The following SLC36A2 variants were observed in gnomAD, a reference collection of about 807,000 sequenced individuals.
The protein encoded by SLC36A2 is solute carrier family 36 member 2, also known as proton-coupled amino acid transporter 2.
In SLC36A2, 39 loss-of-function variants were observed where a neutral mutation model predicts 42.7. That is an observed-to-expected ratio of 0.91 (90% CI 0.71 to 1.19). The LOEUF (loss-of-function observed/expected upper bound fraction) is 1.19, where lower values mean the gene tolerates loss of function less well. Among genes scored for constraint, SLC36A2 ranks in the 50% most tolerant of loss-of-function variants. The pLI, the probability that SLC36A2 is intolerant of heterozygous loss-of-function variation, is 0.00. For missense variants in SLC36A2, 590 were observed against 613.7 expected (o/e 0.96, Z 0.41); for synonymous variants, 237 against 240.8 (o/e 0.98, Z 0.15).
intron 6 of SLC36A2, among the ~76,000 whole-genome samples, chr5:151,334,729 T>C (rs1286651062): frequency 6.6e-6 from 1 of 151,658 alleles, no homozygotes; most frequent in Non-Finnish European, 1.5e-5. Flanking sequence ...AAAAGAAAAA[T>C]TAGAAAGGAT....
intron 6 of SLC36A2, among the ~76,000 whole-genome samples, chr5:151,334,141 G>C (rs1756079737): frequency 6.6e-6 from 1 of 152,152 alleles, no homozygotes; most frequent in Admixed American, 6.5e-5. Flanking sequence ...GCAACCTTTG[G>C]AATTGTCCAA....
rs76325383 is a variant in SLC36A2, at chr5:151,320,455, T to C, written c.1180+1591A>G. 7.0e-3 allele frequency among the ~76,000 whole-genome samples: 1,071 copies of C among 152,038 alleles called. 11 individuals are homozygous for C. Among genetic ancestry groups the C allele is most frequent in the African/African-American group, 0.024 (1,012 of 41,462 alleles). ...AGATGAATGGATAAAGAAAATGTGG[T>C]TTCTACGTACAGTGGAATACAATTT... On this transcript the variant is annotated intron_variant, in intron 9 of 9. Coordinates refer to ENST00000335244, the MANE Select transcript of SLC36A2 (RefSeq NM_181776.3).
At chr5:151,318,020 A>G (rs1034679782) in intron 9 of SLC36A2, among the ~76,000 whole-genome samples, 18 of 152,332 alleles carry the variant, frequency 1.2e-4, no homozygotes, top group Admixed American at 2.0e-4. Flanking sequence ...AAAATTTGTT[A>G]AACAGTTAGT....
chr5:151,337,719 G>T (rs1049975775), intron 5 of SLC36A2, among the ~76,000 whole-genome samples: 3 of 152,154 alleles, frequency 2.0e-5, no homozygotes, highest in African/African-American at 7.2e-5. Flanking sequence ...ACAGATGATA[G>T]TAGAGAAACA....
chr5:151,318,755 G>C (rs1431920624), intron 9 of SLC36A2, among the ~76,000 whole-genome samples: 1 of 151,718 alleles, frequency 6.6e-6, no homozygotes, highest in African/African-American at 2.4e-5. Context: ...AGAAAATCCG[G>C]GAGGTGTCTT....
intron 2 of SLC36A2, 144 bp downstream of exon 2, chr5:151,344,033 A>G (rs966740137): frequency 1.3e-5 from 10 of 770,164 alleles, no homozygotes; most frequent in Admixed American, 2.0e-5. Flanking sequence ...ACTCAAACCC[A>G]GGCTAGATGT....
At position 151,317,030 on chromosome 5, in the gene SLC36A2, C is replaced by T. The variant is rs1316364831; in HGVS notation, c.1239G>A (p.Val413=). The change falls in exon 10 of 10, where the codon GTG becomes GTA. Residue 413 remains valine, a synonymous_variant. Coordinates refer to ENST00000335244, the MANE Select transcript of SLC36A2 (RefSeq NM_181776.3). The part of the protein sequence containing the change: ...LDLVISLVGS[V]SGTALALIIP... ...TGATGAGGGCCAGGGCGGTGCCACT[C>T]ACGGAGCCCACCAGGGAGATGACCA... 7 of 1,614,112 alleles carry T rather than the reference C, an allele frequency of 4.3e-6. No homozygotes were observed. The highest frequency in any genetic ancestry group is 5.9e-6 in the Non-Finnish European group (7 of 1,180,022).
At position 151,333,226 on chromosome 5, in the gene SLC36A2, C is replaced by T. The variant is rs770816435; in HGVS notation, c.841G>A (p.Val281Met). The T allele has an allele frequency of 3.1e-6, 5 of 1,613,678 alleles. No homozygotes were observed. In the Admixed American group the frequency reaches 5.0e-5, roughly 16 times the overall value. ...TAIFSFESIG[V>M]VLPLENKMKN... ...GGCCACCTCAATTCAAACCTTACCACACCAATGCTTTCAAAAGAAAAAATG... is the reference window on the plus strand; with the variant it reads ...GGCCACCTCAATTCAAACCTTACCATACCAATGCTTTCAAAAGAAAAAATG... The change falls in exon 7 of 10, where the codon GTG becomes ATG. Residue 281 changes from valine to methionine, a missense_variant and splice_region_variant. Coordinates refer to ENST00000335244, the MANE Select transcript of SLC36A2 (RefSeq NM_181776.3).
intron 9 of SLC36A2, chr5:151,319,711 G>C (rs1259754959): frequency 1.3e-5 from 2 of 153,136 alleles, no homozygotes; most frequent in East Asian, 1.9e-4. Context: ...GGGGGTGAAG[G>C]CTTGGCTAGT....
chr5:151,338,219 A>T (rs971113116), intron 5 of SLC36A2, among the ~76,000 whole-genome samples: 1 of 152,214 alleles, frequency 6.6e-6, no homozygotes, highest in Admixed American at 6.5e-5. Flanking sequence ...TATTACTGCT[A>T]TAAGCAGAAA....
At chr5:151,326,812 C>CTTTTTTTTTTT (rs5872202) in intron 7 of SLC36A2, among the ~76,000 whole-genome samples, 3 of 142,282 alleles carry the variant, frequency 2.1e-5, no homozygotes. Context: ...ATGAATTTAC[C>CTTTTTTTTTTT]TTTTTTTTTT....
chr5:151,324,861 T>C (rs1271990767), intron 8 of SLC36A2, among the ~76,000 whole-genome samples: 1 of 152,134 alleles, frequency 6.6e-6, no homozygotes, highest in African/African-American at 2.4e-5. Context: ...GTTGGCCCAA[T>C]TGGTTTTTGT....
At chr5:151,325,079 C>T in intron 8 of SLC36A2, 1 of 655,778 alleles carries the variant, frequency 1.5e-6, no homozygotes, top group Non-Finnish European at 2.7e-6. Flanking sequence ...ACTAAGATGT[C>T]AAGGCTTAAC....
At chr5:151,326,812 C>CTTTTTTTT (rs5872202) in intron 7 of SLC36A2, among the ~76,000 whole-genome samples, 5 of 142,282 alleles carry the variant, frequency 3.5e-5, no homozygotes, top group Non-Finnish European at 4.5e-5. Flanking sequence ...ATGAATTTAC[C>CTTTTTTTT]TTTTTTTTTT....
intron 5 of SLC36A2, 143 bp downstream of exon 5, chr5:151,338,917 G>T: frequency 1.5e-6 from 1 of 669,846 alleles, no homozygotes; most frequent in Non-Finnish European, 2.8e-6. Context: ...ATGTGAACTA[G>T]GGGAGGCAAG....
At chr5:151,327,337 A>G (rs962112183) in intron 7 of SLC36A2, among the ~76,000 whole-genome samples, 1 of 152,200 alleles carries the variant, frequency 6.6e-6, no homozygotes, top group East Asian at 1.9e-4. Context: ...CAGGTTGTAG[A>G]CCAGGGCTGT....
chr5:151,320,599 T>TG (rs373190752), intron 9 of SLC36A2, among the ~76,000 whole-genome samples: 37 of 152,260 alleles, frequency 2.4e-4, no homozygotes, highest in African/African-American at 8.9e-4. Flanking sequence ...GTGGAATACT[T>TG]GCAGAAAGGG....
At chr5:151,323,521 G>A (rs1289713960) in intron 8 of SLC36A2, among the ~76,000 whole-genome samples, 2 of 152,156 alleles carry the variant, frequency 1.3e-5, no homozygotes, top group African/African-American at 4.8e-5. Flanking sequence ...AGGCAACTGA[G>A]GTTCAGAGAG....
chr5:151,336,255 T>C (rs911736675), intron 5 of SLC36A2, among the ~76,000 whole-genome samples: 2 of 152,132 alleles, frequency 1.3e-5, no homozygotes, highest in Non-Finnish European at 2.9e-5. Context: ...TCCAGGAATC[T>C]GAATGTAAAC....
Sources: gnomAD v4.1 joint callset for allele counts (sites outside exome capture counted in the v4.1 genomes callset) on GRCh38, gnomAD v4.1.1 for gene constraint, MANE v1.5 for transcripts, NCBI Gene and HGNC (gene_info 2026-07-23, HGNC 2026-07-21) for gene names.